The following PITPNM3 variants were observed in gnomAD, a reference collection of about 807,000 sequenced individuals.
PITPNM3 encodes the protein PITPNM family member 3.
A neutral mutation model predicts 102.0 loss-of-function variants in PITPNM3; 26 were observed. That is an observed-to-expected ratio of 0.25 (90% CI 0.19 to 0.35). The LOEUF is 0.35. Ranked by LOEUF, PITPNM3 falls within the 10% of genes least tolerant of loss-of-function variation. PITPNM3 has a pLI of 1.00. For missense variants in PITPNM3, 1,083 were observed against 1,346.1 expected (o/e 0.80, Z 3.06); for synonymous variants, 578 against 558.6 (o/e 1.03, Z -0.49).
chr17:6,458,719 C>T lies in PITPNM3; in HGVS notation c.2491-997G>A, dbSNP rs1264406267. Among the ~76,000 whole-genome samples, 3 of 152,118 alleles carry T rather than the reference C, an allele frequency of 2.0e-5. No homozygotes were observed. Among genetic ancestry groups the T allele is most frequent in the African/African-American group, 4.8e-5 (2 of 41,424 alleles). On this transcript the variant is annotated intron_variant, in intron 18 of 19. Coordinates refer to ENST00000262483, the MANE Select transcript of PITPNM3 (RefSeq NM_031220.4). This position sits in a 1 kb window ranked among gnomAD's most constrained non-coding sequence, Gnocchi z 5.1. ...GCTGCCTCGCCCCTTCCTCATCCTG[C>T]CTGAGTGACCCATGGCATCCCTGTG...
At chr17:6,461,192 TCAA>T (rs1361827654) in intron 18 of PITPNM3, among the ~76,000 whole-genome samples, 178 bp downstream of exon 18, 1 of 152,190 alleles carries the variant, frequency 6.6e-6, no homozygotes, top group East Asian at 1.9e-4. Context: ...TTCTCCTCTG[TCAA>T]CGACGAGACT....
At chr17:6,554,918 C>T (rs935179175) in intron 1 of PITPNM3, among the ~76,000 whole-genome samples, 4 of 152,200 alleles carry the variant, frequency 2.6e-5, no homozygotes, top group African/African-American at 7.2e-5. Context: ...TGTTCACTGC[C>T]GTTGCGATGA....
At chr17:6,465,034 ATTGT>A (rs891198335) in intron 14 of PITPNM3, among the ~76,000 whole-genome samples, 12 of 151,774 alleles carry the variant, frequency 7.9e-5, no homozygotes, top group South Asian at 2.1e-4. Flanking sequence ...TGTTTGATTG[ATTGT>A]TTGTTTGTTT....
chr17:6,523,565 A>T (rs1341281482), intron 3 of PITPNM3, among the ~76,000 whole-genome samples: 1 of 152,150 alleles, frequency 6.6e-6, no homozygotes, highest in Non-Finnish European at 1.5e-5. Flanking sequence ...TACATTCTTT[A>T]GCAGACAAGT....
intron 4 of PITPNM3, among the ~76,000 whole-genome samples, chr17:6,485,180 T>G (rs1005448653): frequency 3.3e-5 from 5 of 150,554 alleles, no homozygotes; most frequent in African/African-American, 1.2e-4. Context: ...TTTTTTTTGA[T>G]GGAGTTTCAC....
At chr17:6,477,871 C>G in intron 8 of PITPNM3, 104 bp downstream of exon 8, 1 of 1,570,336 alleles carries the variant, frequency 6.4e-7, no homozygotes, top group South Asian at 1.1e-5. Context: ...TCTTTGTGAC[C>G]TGGATGTCAT....
At chr17:6,533,340 G>A (rs8075195) in intron 2 of PITPNM3, among the ~76,000 whole-genome samples, 87,784 of 152,062 alleles carry the variant, frequency 0.58, 26,995 homozygotes, top group Middle Eastern at 0.75. Context: ...CAGTAATGAC[G>A]TCATTCCCTA....
At chr17:6,486,803 C>T (rs1282336472) in intron 4 of PITPNM3, among the ~76,000 whole-genome samples, 1 of 152,200 alleles carries the variant, frequency 6.6e-6, no homozygotes, top group Non-Finnish European at 1.5e-5. Context: ...TTGTTAAGCA[C>T]TTATTATGTC....
chr17:6,460,423 C>T (rs1904384978), intron 18 of PITPNM3: 1 of 152,256 alleles, frequency 6.6e-6, no homozygotes, highest in Admixed American at 6.5e-5. Context: ...ACATGTCCTT[C>T]CTCCTCTAGA....
rs760157924 is a variant in PITPNM3 at position 6,484,208 on chromosome 17, C to T, written c.351+8G>A. On this transcript the variant is annotated splice_region_variant and intron_variant, in intron 5 of 19. Coordinates refer to ENST00000262483, the MANE Select transcript of PITPNM3 (RefSeq NM_031220.4). ...TTGAGCCCAGACACCCTCCGAAGCC[C>T]AGCCTACCTCGCTGTCTTCGTGGAT... is the stretch of plus-strand genomic sequence containing the variant. The T allele has an allele frequency of 8.1e-6, 13 of 1,602,796 alleles. No homozygotes were observed. The highest frequency in any genetic ancestry group is 8.5e-7 in the Non-Finnish European group (1 of 1,170,026).
At chr17:6,474,637 G>C (rs1265956418) in intron 9 of PITPNM3, 33 bp from the exon 10 acceptor site, 7 of 1,545,624 alleles carry the variant, frequency 4.5e-6, no homozygotes, top group African/African-American at 1.4e-5. Flanking sequence ...GGCAGGGCAG[G>C]TCAGGGAAGG....
intron 4 of PITPNM3, among the ~76,000 whole-genome samples, chr17:6,489,727 C>T (rs1044477771): frequency 6.6e-5 from 10 of 152,156 alleles, no homozygotes; most frequent in African/African-American, 2.2e-4. Flanking sequence ...CGTTACTTGC[C>T]GGGGACCGTG....
chr17:6,542,058 T>C (rs2062620560), intron 1 of PITPNM3, among the ~76,000 whole-genome samples: 1 of 152,134 alleles, frequency 6.6e-6, no homozygotes, highest in South Asian at 2.1e-4. Flanking sequence ...GGGACCTCAG[T>C]CTCCTCCTCT....
Position 6,468,449 on chromosome 17 carries a change from AC to A in PITPNM3, c.1774-109del. 3.7e-6 allele frequency: 4 copies of A among 1,087,850 alleles called. No individual in the cohort carries two copies. Among genetic ancestry groups the A allele is most frequent in the Non-Finnish European group, 5.6e-6 (4 of 710,068 alleles). 67.4% of individuals were successfully genotyped at this position (1,087,850 alleles called of 1,614,324 possible). On this transcript the variant is annotated intron_variant, in intron 13 of 19. Coordinates refer to ENST00000262483, the MANE Select transcript of PITPNM3 (RefSeq NM_031220.4). This position sits in a 1 kb window ranked among gnomAD's most constrained non-coding sequence, Gnocchi z 5.2. Reference sequence around the variant, plus strand: ...TGGCCAGCTGGGCCCTGCCCCTGCAACCCCCCAACCTCACAGCCTGGAACCG... The same window carrying A: ...TGGCCAGCTGGGCCCTGCCCCTGCAACCCCCAACCTCACAGCCTGGAACCG...
At chr17:6,519,377 G>A (rs1908371321) in intron 3 of PITPNM3, among the ~76,000 whole-genome samples, 1 of 145,874 alleles carries the variant, frequency 6.9e-6, no homozygotes, top group Non-Finnish European at 1.5e-5. Flanking sequence ...AAAATTAGCT[G>A]AGCGTGGTGG....
chr17:6,492,189 CAGT>C (rs1906530417), intron 4 of PITPNM3, among the ~76,000 whole-genome samples: 2 of 139,002 alleles, frequency 1.4e-5, no homozygotes, highest in Non-Finnish European at 3.1e-5. Context: ...TCAGCCTCCT[CAGT>C]AGCTGGGACT....
rs1189677265 is a variant in PITPNM3, at chr17:6,478,263, GT to G, written c.778-167del. ...AGTGTGCAAACTGGGGAGGGTCAGG[GT>G]TGGCGTTGGCCCAGGCCAGCCCAAG... On this transcript the variant is annotated intron_variant, in intron 7 of 19. Transcript: ENST00000262483. The surrounding 1 kb of genome is among the most constrained non-coding windows in gnomAD (Gnocchi z 4.4). Among the ~76,000 whole-genome samples the G allele has an allele frequency of 2.6e-5, 4 of 152,270 alleles. No homozygotes were observed. Among genetic ancestry groups the G allele is most frequent in the Admixed American group, 2.0e-4 (3 of 15,290 alleles).
rs756436178 is a variant in PITPNM3, at chr17:6,469,138, C to T, written c.1774-797G>A. 6.6e-6 allele frequency among the ~76,000 whole-genome samples: 1 copy of T among 152,192 alleles called. No homozygotes were observed. Among genetic ancestry groups the T allele is most frequent in the African/African-American group, 2.4e-5 (1 of 41,438 alleles). On this transcript the variant is annotated intron_variant, in intron 13 of 19. Transcript: ENST00000262483. The surrounding 1 kb of genome is among the most constrained non-coding windows in gnomAD (Gnocchi z 4.0). ...CTCCAGGACTCATCCCTGAACTTCCCTCTCTGTAGGAGCACCCTTAGTCTG... is the reference window on the plus strand; with the variant it reads ...CTCCAGGACTCATCCCTGAACTTCCTTCTCTGTAGGAGCACCCTTAGTCTG...
intron 1 of PITPNM3, among the ~76,000 whole-genome samples, chr17:6,540,785 A>C (rs1031530254): frequency 6.6e-6 from 1 of 152,128 alleles, no homozygotes; most frequent in Non-Finnish European, 1.5e-5. Flanking sequence ...CAGCCTCCCA[A>C]GTAGCTGGGA....
Sources: allele counts gnomAD v4.1 joint callset (sites outside exome capture counted in the v4.1 genomes callset), GRCh38; gene constraint gnomAD v4.1.1; non-coding constraint Gnocchi (gnomAD v3.1); transcripts MANE v1.5; gene names NCBI Gene and HGNC (gene_info 2026-07-23, HGNC 2026-07-21).